LRBA: variants seen among roughly 807,000 people sequenced by gnomAD.
The protein encoded by LRBA is LPS responsive beige-like anchor protein.
Under a neutral mutation model 330.0 loss-of-function variants are expected in LRBA, and 176 were observed. The ratio of observed to expected loss-of-function variants is 0.53; its 90% CI spans 0.47 to 0.60. The LOEUF (loss-of-function observed/expected upper bound fraction) is 0.60, where lower values mean the gene tolerates loss of function less well. Ranked by LOEUF, LRBA falls within the 20% of genes least tolerant of loss-of-function variation. The pLI, the probability that LRBA is intolerant of heterozygous loss-of-function variation, is 0.00. For synonymous variants in LRBA, 1,230 were observed against 1,193.0 expected (o/e 1.03, Z -0.64); for missense variants, 3,259 against 3,444.8 (o/e 0.95, Z 1.35).
At chr4:150,760,140 T>C (rs1734876025) in intron 35 of LRBA, among the ~76,000 whole-genome samples, 2 of 152,228 alleles carry the variant, frequency 1.3e-5, no homozygotes, top group Admixed American at 6.5e-5. Context: ...TCTTTTTCCA[T>C]ATATAAACTT....
intron 22 of LRBA, among the ~76,000 whole-genome samples, chr4:150,862,522 C>A (rs988028944): frequency 1.3e-5 from 2 of 151,974 alleles, no homozygotes; most frequent in African/African-American, 4.8e-5. Flanking sequence ...CACACTGGGG[C>A]CTGTCATGGG....
At chr4:150,442,974 T>C (rs567731491) in intron 44 of LRBA, among the ~76,000 whole-genome samples, 15 of 152,304 alleles carry the variant, frequency 9.8e-5, no homozygotes, top group African/African-American at 3.4e-4. Flanking sequence ...CTGATGACAA[T>C]GCTACTATTT....
At chr4:150,765,200 G>C (rs1582280722) in intron 34 of LRBA, among the ~76,000 whole-genome samples, 1 of 151,966 alleles carries the variant, frequency 6.6e-6, no homozygotes, top group Non-Finnish European at 1.5e-5. Context: ...TCTACTATAT[G>C]ACATTTTGGA....
chr4:151,002,963 G>C (rs190287430), intron 2 of LRBA, among the ~76,000 whole-genome samples: 2 of 151,956 alleles, frequency 1.3e-5, no homozygotes, highest in Non-Finnish European at 2.9e-5. Context: ...GCAGTGAACC[G>C]AGATCGCACT....
intron 36 of LRBA, among the ~76,000 whole-genome samples, chr4:150,689,297 CG>C (rs906044101): frequency 8.6e-5 from 13 of 151,828 alleles, no homozygotes; most frequent in African/African-American, 2.9e-4. Flanking sequence ...CATCATACAC[CG>C]GGGCCTGTAT....
intron 22 of LRBA, among the ~76,000 whole-genome samples, chr4:150,867,421 T>C (rs1752861930): frequency 6.6e-6 from 1 of 152,220 alleles, no homozygotes; most frequent in Admixed American, 6.5e-5. Context: ...CTTTATGCTG[T>C]GGCAATAGAT....
intron 40 of LRBA, among the ~76,000 whole-genome samples, chr4:150,553,295 C>T (rs535950225): frequency 1.3e-5 from 2 of 151,768 alleles, no homozygotes; most frequent in South Asian, 4.2e-4. Context: ...GGGAGGGGAA[C>T]ATCACACACC....
chr4:150,720,168 A>C (rs1446971165), intron 36 of LRBA, among the ~76,000 whole-genome samples: 1 of 152,170 alleles, frequency 6.6e-6, no homozygotes, highest in African/African-American at 2.4e-5. Flanking sequence ...ATATCTGCAC[A>C]GAGCATTCTA....
intron 31 of LRBA, among the ~76,000 whole-genome samples, chr4:150,809,850 A>AATACG (rs70941451): frequency 0.014 from 1,257 of 87,778 alleles, 95 homozygotes; most frequent in East Asian, 0.024. Flanking sequence ...CCTGTCTTAA[A>AATACG]ATACGATACG....
At chr4:150,385,235 T>C (rs572714001) in intron 47 of LRBA, among the ~76,000 whole-genome samples, 1 of 152,242 alleles carries the variant, frequency 6.6e-6, no homozygotes, top group East Asian at 1.9e-4. Flanking sequence ...TCATCTTGAA[T>C]GAGCAGGCCT....
chr4:150,814,948 T>C (rs1744337389), intron 31 of LRBA, among the ~76,000 whole-genome samples: 1 of 152,014 alleles, frequency 6.6e-6, no homozygotes, highest in Admixed American at 6.6e-5. Context: ...TACTGTTACA[T>C]GTAAAATATT....
At chr4:150,576,163 T>A (rs1234981561) in intron 40 of LRBA, among the ~76,000 whole-genome samples, 2 of 58,296 alleles carry the variant, frequency 3.4e-5, no homozygotes, top group African/African-American at 4.0e-5. Flanking sequence ...AAACTGGTTT[T>A]TAAAAAAAAA....
intron 37 of LRBA, among the ~76,000 whole-genome samples, chr4:150,659,076 C>T (rs1780668368): frequency 7.3e-6 from 1 of 137,260 alleles, no homozygotes; most frequent in African/African-American, 2.6e-5. Context: ...ACAACCCACA[C>T]CTCCCAGCCG....
At chr4:151,003,932 T>TGA (rs1743714616) in intron 2 of LRBA, among the ~76,000 whole-genome samples, 1 of 138,644 alleles carries the variant, frequency 7.2e-6, no homozygotes, top group Non-Finnish European at 1.6e-5. Flanking sequence ...TGTGTGTGTG[T>TGA]GTGACAGTCT....
chr4:150,608,952 T>C (rs564258622), intron 37 of LRBA, among the ~76,000 whole-genome samples: 1 of 152,366 alleles, frequency 6.6e-6, no homozygotes, highest in South Asian at 2.1e-4. Context: ...TTTTTATTAC[T>C]GAATGATATT....
chr4:150,312,037 C>T (rs1731139344), intron 51 of LRBA, among the ~76,000 whole-genome samples: 1 of 152,064 alleles, frequency 6.6e-6, no homozygotes. Flanking sequence ...GTTTATGTGA[C>T]TTTTGCTCCT....
Position 150,727,067 on chromosome 4 carries a change from G to GTTTTTTT in LRBA, c.5754+8184_5754+8190dup, listed in dbSNP as rs34671398. ...AAAGTTATTTACAGAACATTTCGTT[G>GTTTTTTT]TTTTTTTTTTTTTTTTTTTTTTTGA... On this transcript the variant is annotated intron_variant, in intron 36 of 56. Coordinates refer to ENST00000651943, the MANE Select transcript of LRBA (RefSeq NM_001364905.1). 1.1e-3 allele frequency among the ~76,000 whole-genome samples: 91 copies of GTTTTTTT among 79,514 alleles called. 1 individual carries two copies. Among genetic ancestry groups the GTTTTTTT allele is most frequent in the Non-Finnish European group, 1.5e-3 (71 of 47,172 alleles). 52.2% of individuals were successfully genotyped at this position (79,514 alleles called of 152,430 possible).
Position 150,654,470 on chromosome 4 carries a change from C to T in LRBA, c.5921+29081G>A, listed in dbSNP as rs1029535860. Among the ~76,000 whole-genome samples the T allele has an allele frequency of 5.3e-5, 8 of 152,232 alleles. No individual in the cohort carries two copies. The East Asian group carries it at 5.8e-4, about 11-fold the overall frequency. On this transcript the variant is annotated intron_variant, in intron 37 of 56. Transcript: ENST00000651943. The stretch of plus-strand genomic sequence containing the variant: ...TCCCAAAGTGCTGGGATTGCAGGCA[C>T]GAGGCACTGTGCCCAGTCAAGAAGT...
chr4:150,289,832 G>C (rs1197143239), intron 53 of LRBA, among the ~76,000 whole-genome samples: 1 of 152,162 alleles, frequency 6.6e-6, no homozygotes, highest in African/African-American at 2.4e-5. Flanking sequence ...CAATATAGCA[G>C]ATATATGATA....
Sources: allele counts gnomAD v4.1 joint callset (sites outside exome capture counted in the v4.1 genomes callset), GRCh38; gene constraint gnomAD v4.1.1; transcripts MANE v1.5; gene names NCBI Gene and HGNC (gene_info 2026-07-23, HGNC 2026-07-21).